Variants in MACROD2 observed in about 807,000 individuals in gnomAD.
MACROD2 encodes the protein ADP-ribose glycohydrolase MACROD2.
A neutral mutation model predicts 70.4 loss-of-function variants in MACROD2; 36 were observed. The ratio of observed to expected loss-of-function variants is 0.51; its 90% CI spans 0.39 to 0.68. MACROD2 has a LOEUF of 0.68. Among genes scored for constraint, MACROD2 ranks in the 30% least tolerant of loss-of-function variants. The pLI is 0.00. For missense variants in MACROD2, 496 were observed against 538.4 expected (o/e 0.92, Z 0.78); for synonymous variants, 172 against 178.8 (o/e 0.96, Z 0.30).
intron 6 of MACROD2, among the ~76,000 whole-genome samples, chr20:15,260,384 A>C (rs996551388): frequency 1.3e-5 from 2 of 151,284 alleles, no homozygotes; most frequent in African/African-American, 4.9e-5. Context: ...GAGACCATGC[A>C]ATGTTTTTCT....
intron 4 of MACROD2, among the ~76,000 whole-genome samples, chr20:14,599,586 C>G (rs1223382668): frequency 1.3e-4 from 20 of 152,134 alleles, no homozygotes; most frequent in Admixed American, 1.3e-3. Context: ...AAATGTTAAA[C>G]TGAGCTGCTG....
chr20:14,119,159 ATTTTTTTTT>A (rs1181793101), intron 3 of MACROD2, among the ~76,000 whole-genome samples: 1 of 56,738 alleles, frequency 1.8e-5, no homozygotes, highest in African/African-American at 7.8e-5. Context: ...AATGACTGTG[ATTTTTTTTT>A]TTTTTTTTTT....
intron 8 of MACROD2, among the ~76,000 whole-genome samples, chr20:15,624,863 G>A (rs1265797553): frequency 6.6e-6 from 1 of 151,948 alleles, no homozygotes; most frequent in Non-Finnish European, 1.5e-5. Context: ...ACAACTATAT[G>A]AAATCTAACC....
intron 5 of MACROD2, among the ~76,000 whole-genome samples, chr20:14,731,639 G>T (rs2071598545): frequency 6.6e-6 from 1 of 152,114 alleles, no homozygotes; most frequent in Non-Finnish European, 1.5e-5. Context: ...TTAAAGTGTG[G>T]TGTGGGGACC....
At chr20:14,566,257 C>T (rs910647584) in intron 4 of MACROD2, among the ~76,000 whole-genome samples, 1 of 151,826 alleles carries the variant, frequency 6.6e-6, no homozygotes, top group African/African-American at 2.4e-5. Context: ...GGTCAATAAA[C>T]GTGAAAATAT....
intron 10 of MACROD2, among the ~76,000 whole-genome samples, chr20:15,903,515 C>T (rs747637242): frequency 1.1e-4 from 16 of 152,172 alleles, no homozygotes; most frequent in South Asian, 2.1e-4. Context: ...GCATGAGAAT[C>T]ACCAGAGGGT....
chr20:15,076,003 G>A (rs2075654823), intron 5 of MACROD2, among the ~76,000 whole-genome samples: 1 of 152,154 alleles, frequency 6.6e-6, no homozygotes, highest in South Asian at 2.1e-4. Context: ...GGCGATATGT[G>A]TTAACTATCA....
chr20:15,625,652 C>G (rs11907868), intron 8 of MACROD2, among the ~76,000 whole-genome samples: 2 of 151,986 alleles, frequency 1.3e-5, no homozygotes, highest in Admixed American at 1.3e-4. Flanking sequence ...AATACAAGAA[C>G]TAGTAAGTCT....
At chr20:14,277,922 A>G (rs542983728) in intron 3 of MACROD2, among the ~76,000 whole-genome samples, 9 of 152,364 alleles carry the variant, frequency 5.9e-5, no homozygotes, top group Admixed American at 5.9e-4. Flanking sequence ...ATTCAGCATT[A>G]GATTTATTAA....
chr20:14,589,280 A>G (rs1207877407), intron 4 of MACROD2, among the ~76,000 whole-genome samples: 1 of 152,110 alleles, frequency 6.6e-6, no homozygotes, highest in East Asian at 1.9e-4. Context: ...TAAAATCGCT[A>G]TTCTTTTAAA....
intron 5 of MACROD2, among the ~76,000 whole-genome samples, chr20:14,823,225 G>T (rs376417239): frequency 2.6e-5 from 4 of 152,114 alleles, no homozygotes; most frequent in African/African-American, 7.2e-5. Context: ...GTAACTTGTT[G>T]ATCTTCTTCA....
chr20:14,633,054 G>T (rs1424305049), intron 4 of MACROD2, among the ~76,000 whole-genome samples: 1 of 152,246 alleles, frequency 6.6e-6, no homozygotes, highest in African/African-American at 2.4e-5. Flanking sequence ...GAGCTCTGCT[G>T]CGTTCCCGCA....
At chr20:14,001,389 T>C (rs564196939) in intron 1 of MACROD2, among the ~76,000 whole-genome samples, 19 of 152,178 alleles carry the variant, frequency 1.2e-4, no homozygotes, top group Non-Finnish European at 1.9e-4. Context: ...CGTCAAGATA[T>C]ATATATTTAA....
Position 14,740,973 on chromosome 20 carries a change from A to T in MACROD2, c.418+56014A>T, listed in dbSNP as rs551233267. Among the ~76,000 whole-genome samples, 8 of 152,282 alleles carry T rather than the reference A, an allele frequency of 5.3e-5. No individual in the cohort carries two copies. The East Asian group carries it at 1.5e-3, about 29-fold the overall frequency. On this transcript the variant is annotated intron_variant, in intron 5 of 17. Transcript: ENST00000684519. The stretch of plus-strand genomic sequence containing the variant: ...AGAAGGCTCACCTTGGTCTATTACC[A>T]GAATAGTCTAGGCATCTTAATATTA...
intron 8 of MACROD2, among the ~76,000 whole-genome samples, chr20:15,672,348 T>TACACACACACACACACAC (rs3071295): frequency 7.0e-6 from 1 of 141,862 alleles, no homozygotes; most frequent in South Asian, 2.4e-4. Flanking sequence ...TGTTCTATTT[T>TACACACACACACACACAC]ACACACACAC....
intron 5 of MACROD2, among the ~76,000 whole-genome samples, chr20:15,122,738 C>G (rs570182678): frequency 6.6e-6 from 1 of 152,238 alleles, no homozygotes; most frequent in South Asian, 2.1e-4. Flanking sequence ...TCACTCCACC[C>G]CCAAACTAAA....
chr20:15,549,680 C>T (rs2048069623), intron 8 of MACROD2, among the ~76,000 whole-genome samples: 1 of 152,108 alleles, frequency 6.6e-6, no homozygotes, highest in Admixed American at 6.5e-5. Context: ...AAAAGGAGCT[C>T]ACTTTTCTTG....
At chr20:14,359,449 A>G (rs537518378) in intron 3 of MACROD2, among the ~76,000 whole-genome samples, 1 of 152,230 alleles carries the variant, frequency 6.6e-6, no homozygotes, top group Non-Finnish European at 1.5e-5. Flanking sequence ...CATATGATTC[A>G]TCAATCCCAA....
intron 5 of MACROD2, chr20:14,757,524 T>C (rs1379934903): frequency 1.5e-6 from 1 of 656,460 alleles, no homozygotes; most frequent in Non-Finnish European, 2.7e-6. Context: ...TTTAAAAGAC[T>C]GTATCTAGGC....
Sources: allele counts gnomAD v4.1 joint callset (sites outside exome capture counted in the v4.1 genomes callset), GRCh38; gene constraint gnomAD v4.1.1; transcripts MANE v1.5; gene names NCBI Gene and HGNC (gene_info 2026-07-23, HGNC 2026-07-21).